Variants in SAMD5 observed in about 807,000 individuals in gnomAD.
SAMD5 encodes the protein sterile alpha motif domain-containing protein 5.
Under a neutral mutation model 11.3 loss-of-function variants are expected in SAMD5, and 13 were observed. That is an observed-to-expected ratio of 1.15 (90% CI 0.75 to 1.83). SAMD5 has a LOEUF of 1.83. SAMD5 is among the 40% of genes most tolerant of loss of function. SAMD5 has a pLI of 0.00. For synonymous variants in SAMD5, 129 were observed against 111.3 expected, an observed-to-expected ratio of 1.16 and a Z score of -1.00; for missense variants, 255 against 239.1, an observed-to-expected ratio of 1.07 and a Z score of -0.44.
intron 1 of SAMD5, among the ~76,000 whole-genome samples, chr6:147,649,793 A>G (rs1790457260): frequency 6.7e-6 from 1 of 148,936 alleles, no homozygotes; most frequent in South Asian, 2.1e-4. Context: ...AACGTCTCAA[A>G]AAAAAAAAAA....
At chr6:147,850,366 C>T in the SAMD5 span, among the ~76,000 whole-genome samples, 7 of 152,160 alleles carry the variant, frequency 4.6e-5, no homozygotes, top group South Asian at 4.2e-4. Flanking sequence ...TTAAATTAAC[C>T]GGCAGAGGGC....
intron 1 of SAMD5, among the ~76,000 whole-genome samples, chr6:147,612,353 C>T (rs1280162674): frequency 2.0e-5 from 3 of 152,222 alleles, no homozygotes; most frequent in Non-Finnish European, 4.4e-5. Context: ...TGGCCTAAAT[C>T]ATATTTTTTA....
intron 1 of SAMD5, among the ~76,000 whole-genome samples, chr6:147,529,735 T>C (rs142748478): frequency 6.6e-6 from 1 of 152,378 alleles, no homozygotes; most frequent in Non-Finnish European, 1.5e-5. Context: ...ATGTTTTTCA[T>C]ACCACTTATT....
chr6:147,640,925 T>C (rs1276979000), intron 1 of SAMD5, among the ~76,000 whole-genome samples: 1 of 152,232 alleles, frequency 6.6e-6, no homozygotes, highest in African/African-American at 2.4e-5. Context: ...TAATGTTAGC[T>C]TCCCTTGTCC....
chr6:147,881,310 G>A, the SAMD5 span, among the ~76,000 whole-genome samples: 239 of 152,232 alleles, frequency 1.6e-3, no homozygotes, highest in African/African-American at 5.5e-3. Flanking sequence ...CTTAGGCAAC[G>A]AAGTCATTCT....
chr6:147,775,238 C>G, the SAMD5 span, among the ~76,000 whole-genome samples: 1 of 152,034 alleles, frequency 6.6e-6, no homozygotes, highest in Admixed American at 6.5e-5. Flanking sequence ...AATCCTGACT[C>G]TGCCATTTTC....
chr6:147,817,495 T>G, the SAMD5 span, among the ~76,000 whole-genome samples: 1 of 152,254 alleles, frequency 6.6e-6, no homozygotes, highest in Non-Finnish European at 1.5e-5. Flanking sequence ...ACCATGTCTT[T>G]TTTCTTAACA....
At chr6:147,589,562 C>T (rs995692744) in intron 1 of SAMD5, among the ~76,000 whole-genome samples, 1 of 152,100 alleles carries the variant, frequency 6.6e-6, no homozygotes, top group Non-Finnish European at 1.5e-5. Context: ...CAAGCCTCGG[C>T]GTCCTCATCT....
chr6:147,695,335 C>A (rs1367396289), intron 1 of SAMD5, among the ~76,000 whole-genome samples: 1 of 151,788 alleles, frequency 6.6e-6, no homozygotes, highest in Non-Finnish European at 1.5e-5. Flanking sequence ...TTCCATAAAA[C>A]CCTCTAAAAA....
At chr6:147,523,084 C>G (rs1166988400) in intron 1 of SAMD5, among the ~76,000 whole-genome samples, 1 of 152,108 alleles carries the variant, frequency 6.6e-6, no homozygotes, top group East Asian at 1.9e-4. Flanking sequence ...CCTCAATCCC[C>G]TATAGTCGGC....
chr6:147,822,520 A>G, the SAMD5 span, among the ~76,000 whole-genome samples: 2 of 152,228 alleles, frequency 1.3e-5, no homozygotes, highest in Non-Finnish European at 2.9e-5. Flanking sequence ...AAGTCACAAC[A>G]TAAATATGGT....
At chr6:147,937,555 G>T in the SAMD5 span, among the ~76,000 whole-genome samples, 2 of 152,264 alleles carry the variant, frequency 1.3e-5, no homozygotes, top group East Asian at 3.9e-4. Flanking sequence ...CTTAGACTTG[G>T]GAGCAGGGGT....
At chr6:147,536,504 C>T (rs190910466) in intron 1 of SAMD5, among the ~76,000 whole-genome samples, 121 of 152,052 alleles carry the variant, frequency 8.0e-4, no homozygotes, top group Middle Eastern at 3.4e-3. Flanking sequence ...ATGTTTAATG[C>T]ATTAGCTTTT....
At chr6:147,630,402 C>T (rs1349973726) in intron 1 of SAMD5, among the ~76,000 whole-genome samples, 2 of 152,250 alleles carry the variant, frequency 1.3e-5, no homozygotes, top group Admixed American at 6.5e-5. Context: ...CAAGCCTGCA[C>T]GTATTTGTCC....
rs144984364 is a variant in SAMD5 at position 147,713,723 on chromosome 6, C to T, written c.163-23594C>T. 3.3e-3 allele frequency among the ~76,000 whole-genome samples: 497 copies of T among 152,168 alleles called. 5 individuals carry two copies. The highest frequency in any genetic ancestry group is 0.011 in the African/African-American group (473 of 41,514). On this transcript the variant is annotated intron_variant, in intron 1 of 1. Coordinates refer to the SAMD5 transcript ENST00000566741. ...GGGTAGAAGCTGAACAGAACTGTCA[C>T]CCAAATTCAGTGCTATTTCTTTATC...
chr6:147,816,281 C>CA, the SAMD5 span, among the ~76,000 whole-genome samples: 1,302 of 27,616 alleles, frequency 0.047, 145 homozygotes, highest in Middle Eastern at 0.11. Flanking sequence ...ACTCCGTCTC[C>CA]AAAAAAAAAA....
intron 1 of SAMD5, among the ~76,000 whole-genome samples, chr6:147,674,451 G>A (rs1790836138): frequency 6.6e-6 from 1 of 151,976 alleles, no homozygotes. Flanking sequence ...CCCCTTGCAC[G>A]CACCCAACTC....
Position 147,566,092 on chromosome 6 carries a change from C to T in SAMD5, c.*1636C>T. The T allele has an allele frequency of 1.0e-6, 1 of 981,624 alleles. No homozygotes were observed. Among genetic ancestry groups the T allele is most frequent in the Non-Finnish European group, 1.2e-6 (1 of 826,532 alleles). The allele number at this position is 981,624 out of a possible 1,614,324, so 60.8% of individuals were successfully genotyped here. A position where few individuals can be genotyped will look rare whatever the true frequency, so the allele number is the denominator to read the frequency against. ...ATTAGGTTTCTAAGGACAATTTTAA[C>T]ACAATACTGCTTTAAAAATCTGAAG... On this transcript the variant is annotated 3_prime_UTR_variant, in exon 2 of 2. Coordinates refer to ENST00000367474, the MANE Select transcript of SAMD5 (RefSeq NM_001030060.3).
At chr6:147,544,969 T>C (rs1262302859) in intron 1 of SAMD5, among the ~76,000 whole-genome samples, 1 of 152,182 alleles carries the variant, frequency 6.6e-6, no homozygotes, top group East Asian at 1.9e-4. Flanking sequence ...GAGTTTGTAG[T>C]GTGTCATAAT....
Sources: allele counts gnomAD v4.1 joint callset (sites outside exome capture counted in the v4.1 genomes callset), GRCh38; gene constraint gnomAD v4.1.1; transcripts MANE v1.5; gene names NCBI Gene and HGNC (gene_info 2026-07-23, HGNC 2026-07-21).